KCNJ12: variants seen among roughly 807,000 people sequenced by gnomAD.
The protein encoded by KCNJ12 is ATP-sensitive inward rectifier potassium channel 12.
KCNJ12 carries 2 observed loss-of-function variants against 22.3 expected under a neutral mutation model. That is an observed-to-expected ratio of 0.09 (90% confidence interval 0.04 to 0.28). The LOEUF (loss-of-function observed/expected upper bound fraction) is 0.28. Ranked by LOEUF, KCNJ12 falls within the 10% of genes least tolerant of loss-of-function variation. The probability of loss-of-function intolerance (pLI) is 1.00; values close to 1 mark genes in which losing one functional copy is unlikely to be tolerated. For missense variants in KCNJ12, 155 were observed against 633.3 expected (o/e 0.24, Z 8.11); for synonymous variants, 117 against 261.4 (o/e 0.45, Z 5.33).
At chr17:21,411,913 TAGGGTTTCTATGCC>T (rs1448633889) in intron 2 of KCNJ12, among the ~76,000 whole-genome samples, 1 of 152,306 alleles carries the variant, frequency 6.6e-6, no homozygotes, top group Admixed American at 6.5e-5. Context: ...CTTGTGGTGC[TAGGGTTTCTATGCC>T]AGGGTCCCCT....
At chr17:21,403,949 C>T (rs1275197988) in intron 1 of KCNJ12, among the ~76,000 whole-genome samples, 1 of 152,282 alleles carries the variant, frequency 6.6e-6, no homozygotes, top group African/African-American at 2.4e-5. Flanking sequence ...TCTTATGGCC[C>T]TTGGGCTCCC....
intron 1 of KCNJ12, among the ~76,000 whole-genome samples, chr17:21,387,993 C>A (rs1247864648): frequency 6.6e-6 from 1 of 152,290 alleles, no homozygotes; most frequent in Admixed American, 6.5e-5. Flanking sequence ...ACTCCTCCCC[C>A]ACTGCTGAGG....
At chr17:21,401,924 G>C (rs566665188) in intron 1 of KCNJ12, among the ~76,000 whole-genome samples, 2 of 152,324 alleles carry the variant, frequency 1.3e-5, no homozygotes, top group African/African-American at 2.4e-5. Context: ...GCTTGGAAAG[G>C]GGTGTTGAAG....
chr17:21,399,397 C>T (rs1555560238), intron 1 of KCNJ12, among the ~76,000 whole-genome samples: 1 of 152,208 alleles, frequency 6.6e-6, no homozygotes, highest in Non-Finnish European at 1.5e-5. Flanking sequence ...ATTTCCTGGC[C>T]ATCTCAGTGG....
intron 1 of KCNJ12, among the ~76,000 whole-genome samples, chr17:21,387,713 CT>C (rs1346023906): frequency 1.3e-5 from 2 of 152,110 alleles, no homozygotes; most frequent in Non-Finnish European, 2.9e-5. Context: ...CCACAGGAGG[CT>C]GTATTTCTGT....
At chr17:21,405,778 T>C (rs1905892588) in intron 1 of KCNJ12, among the ~76,000 whole-genome samples, 1 of 152,288 alleles carries the variant, frequency 6.6e-6, no homozygotes, top group Non-Finnish European at 1.5e-5. Context: ...ACATGGCGGC[T>C]GCTGTGGCCC....
Position 21,416,940 on chromosome 17 carries a change from G to A in KCNJ12, c.*296G>A, listed in dbSNP as rs62049521. 1.3e-5 allele frequency: 6 copies of A among 475,492 alleles called. No individual in the cohort carries two copies. The highest frequency in any genetic ancestry group is 2.0e-5 in the African/African-American group (1 of 50,876). The allele number at this position is 475,492 out of a possible 1,614,324, so 29.5% of individuals were successfully genotyped here. ...GCCTGAAGATGGAGCTGCAGCCTGC[G>A]GGGAAGCAGCTCAGCTCGATGGTGG... On this transcript the variant is annotated 3_prime_UTR_variant, in exon 3 of 3. Coordinates refer to ENST00000583088, the MANE Select transcript of KCNJ12 (RefSeq NM_021012.5).
intron 1 of KCNJ12, among the ~76,000 whole-genome samples, chr17:21,384,440 C>T (rs1567696569): frequency 1.3e-5 from 2 of 152,118 alleles, no homozygotes; most frequent in East Asian, 1.9e-4. Flanking sequence ...GTGCCTCCTT[C>T]GTCACATCCC....
chr17:21,402,770 G>T (rs1315582916), intron 1 of KCNJ12, among the ~76,000 whole-genome samples: 1 of 152,310 alleles, frequency 6.6e-6, no homozygotes, highest in East Asian at 1.9e-4. Flanking sequence ...CCTAATCCTG[G>T]CTGGCCCTTT....
chr17:21,406,281 G>C (rs1440134457), intron 1 of KCNJ12, among the ~76,000 whole-genome samples: 1 of 152,258 alleles, frequency 6.6e-6, no homozygotes, highest in African/African-American at 2.4e-5. Flanking sequence ...CAAGCATGCA[G>C]GGCTTGCACA....
rs1555562665 is a variant in KCNJ12, at chr17:21,415,936, C to G, written c.594C>G (p.His198Gln). 1.2e-6 allele frequency: 2 copies of G among 1,609,784 alleles called. No homozygotes were observed. Among genetic ancestry groups the G allele is most frequent in the Non-Finnish European group, 1.7e-6 (2 of 1,178,492 alleles). The change falls in exon 3 of 3, where the codon CAC becomes CAG. Residue 198 changes from histidine to glutamine, a missense_variant. By Grantham distance (24) the His-to-Gln change is conservative. Transcript: ENST00000583088. ...KKRAQTLLFSHNAVVALRDGK... is the reference protein window; with the variant it reads ...KKRAQTLLFSQNAVVALRDGK... ...GGGCACAGACGCTGCTGTTCAGCCA[C>G]AACGCCGTGGTGGCCCTGCGTGACG...
At chr17:21,383,054 T>C (rs1345359742) in intron 1 of KCNJ12, among the ~76,000 whole-genome samples, 1 of 152,012 alleles carries the variant, frequency 6.6e-6, no homozygotes, top group Non-Finnish European at 1.5e-5. Flanking sequence ...CAGGCAGCTT[T>C]TGGGGACTTG....
Position 21,381,174 on chromosome 17 carries a change from C to G in KCNJ12, c.-179+4261C>G, listed in dbSNP as rs146002769. ...AGCCTCCTGGATCCTGCCTGACTCC[C>G]CCTGCCCACCTGGACTGAGCCCTCC... On this transcript the variant is annotated intron_variant, in intron 1 of 2. Transcript: ENST00000583088. Among the ~76,000 whole-genome samples the G allele has an allele frequency of 4.1e-4, 63 of 152,300 alleles. 3 individuals are homozygous for G. In the East Asian group the frequency reaches 0.012, roughly 29 times the overall value.
intron 1 of KCNJ12, among the ~76,000 whole-genome samples, chr17:21,398,091 ATGTGTG>A (rs58836229): frequency 1.1e-3 from 167 of 146,916 alleles, no homozygotes; most frequent in South Asian, 4.0e-3. Flanking sequence ...ACGTGTGTGT[ATGTGTG>A]TGTGTGTGTG....
intron 2 of KCNJ12, among the ~76,000 whole-genome samples, chr17:21,412,232 GA>G (rs1281120075): frequency 2.0e-5 from 3 of 152,270 alleles, no homozygotes; most frequent in Admixed American, 1.3e-4. Flanking sequence ...ACGCAGAGAG[GA>G]ACGTCGACAG....
chr17:21,404,225 G>A (rs1413081248), intron 1 of KCNJ12, among the ~76,000 whole-genome samples: 3 of 152,292 alleles, frequency 2.0e-5, no homozygotes, highest in Non-Finnish European at 2.9e-5. Flanking sequence ...AGTGCCTGGA[G>A]AGTGAAGCTG....
At chr17:21,383,047 G>A (rs1904932561) in intron 1 of KCNJ12, among the ~76,000 whole-genome samples, 1 of 152,316 alleles carries the variant, frequency 6.6e-6, no homozygotes, top group South Asian at 2.1e-4. Context: ...ATGCTTCCAG[G>A]CAGCTTTTGG....
chr17:21,413,919 A>T (rs1301948112), intron 2 of KCNJ12, among the ~76,000 whole-genome samples: 8 of 152,284 alleles, frequency 5.3e-5, no homozygotes, highest in African/African-American at 1.9e-4. Flanking sequence ...CTAGGGTAGC[A>T]GCCTTGCAAT....
chr17:21,388,246 T>C (rs145729656), intron 1 of KCNJ12, among the ~76,000 whole-genome samples: 39 of 152,304 alleles, frequency 2.6e-4, no homozygotes, highest in Admixed American at 9.8e-4. Context: ...CCTGGGTCTC[T>C]ATGGCTCACC....
Sources: allele counts gnomAD v4.1 joint callset (sites outside exome capture counted in the v4.1 genomes callset), GRCh38; gene constraint gnomAD v4.1.1; transcripts MANE v1.5; gene names NCBI Gene and HGNC (gene_info 2026-07-23, HGNC 2026-07-21).